COL26A1: variants seen among roughly 807,000 people sequenced by gnomAD.
COL26A1 encodes collagen alpha-1(XXVI) chain.
In COL26A1, 41 loss-of-function variants were observed where a neutral mutation model predicts 59.3. That is an observed-to-expected ratio of 0.69 (90% CI 0.54 to 0.90). The LOEUF is 0.90. Among genes scored for constraint, COL26A1 ranks in the 40% least tolerant of loss-of-function variants. The pLI, the probability that COL26A1 is intolerant of heterozygous loss-of-function variation, is 0.00. For synonymous variants in COL26A1, 266 were observed against 256.0 expected, an observed-to-expected ratio of 1.04 and a Z score of -0.37; for missense variants, 612 against 602.3, an observed-to-expected ratio of 1.02 and a Z score of -0.17.
At chr7:101,435,809 C>T (rs1337663691) in intron 2 of COL26A1, among the ~76,000 whole-genome samples, 1 of 152,158 alleles carries the variant, frequency 6.6e-6, no homozygotes, top group Non-Finnish European at 1.5e-5. Flanking sequence ...GCATTAGAGC[C>T]AACCTTTTCC....
intron 2 of COL26A1, among the ~76,000 whole-genome samples, chr7:101,423,923 G>C (rs1006562163): frequency 6.6e-6 from 1 of 152,006 alleles, no homozygotes. Flanking sequence ...AAACAATTTG[G>C]CCAGTGACAG....
intron 3 of COL26A1, among the ~76,000 whole-genome samples, chr7:101,489,831 TTTCTTTCTTTC>T (rs1563008172): frequency 6.7e-5 from 1 of 14,882 alleles, no homozygotes; most frequent in Non-Finnish European, 1.1e-4. Context: ...TCTTTCTTTC[TTTCTTTCTTTC>T]TTTCTTTCTT....
intron 3 of COL26A1, among the ~76,000 whole-genome samples, chr7:101,522,716 T>A (rs1795162771): frequency 6.6e-6 from 1 of 152,126 alleles, no homozygotes. Flanking sequence ...TCAGCCTTAT[T>A]AGAGACTGCC....
chr7:101,491,648 TG>T (rs1347353308), intron 3 of COL26A1, among the ~76,000 whole-genome samples: 1 of 152,184 alleles, frequency 6.6e-6, no homozygotes, highest in Non-Finnish European at 1.5e-5. Flanking sequence ...GGTAACTTCC[TG>T]GTGTTGCCAT....
At chr7:101,515,584 CTTT>C (rs36025647) in intron 3 of COL26A1, among the ~76,000 whole-genome samples, 4 of 140,810 alleles carry the variant, frequency 2.8e-5, no homozygotes, top group African/African-American at 1.0e-4. Context: ...ATGTCTGGCT[CTTT>C]TTTTTTTTTC....
intron 3 of COL26A1, among the ~76,000 whole-genome samples, chr7:101,452,275 G>T (rs1020661987): frequency 1.3e-5 from 2 of 152,156 alleles, no homozygotes; most frequent in Non-Finnish European, 2.9e-5. Flanking sequence ...AGGACCGTGG[G>T]AGGACAGTCC....
chr7:101,510,886 T>TTTTCTTTC (rs200164585), intron 3 of COL26A1, among the ~76,000 whole-genome samples: 1 of 136,930 alleles, frequency 7.3e-6, no homozygotes, highest in African/African-American at 3.2e-5. Flanking sequence ...ACTTTTTTCT[T>TTTTCTTTC]TTTCTTTCTT....
chr7:101,467,605 C>A (rs1055694453), intron 3 of COL26A1, among the ~76,000 whole-genome samples: 1 of 151,622 alleles, frequency 6.6e-6, no homozygotes, highest in Non-Finnish European at 1.5e-5. Flanking sequence ...CGGTGGCTCA[C>A]GCCTGTAATC....
intron 3 of COL26A1, among the ~76,000 whole-genome samples, chr7:101,456,542 T>C (rs1423319381): frequency 6.6e-6 from 1 of 152,090 alleles, no homozygotes; most frequent in African/African-American, 2.4e-5. Context: ...CACATGCCTC[T>C]AATCCCAGCT....
At chr7:101,474,321 G>A (rs1042769532) in intron 3 of COL26A1, among the ~76,000 whole-genome samples, 2 of 152,288 alleles carry the variant, frequency 1.3e-5, no homozygotes, top group South Asian at 2.1e-4. Flanking sequence ...GTTGGGCTGG[G>A]TGTGATAGCT....
rs1387032420 is a variant in COL26A1, at chr7:101,400,351, C to CTTTTTTTTT, written c.159-19625_159-19624insTTTTTTTTT. Among the ~76,000 whole-genome samples the CTTTTTTTTT allele has an allele frequency of 5.7e-5, 7 of 123,404 alleles. 2 individuals are homozygous for CTTTTTTTTT. Among genetic ancestry groups the CTTTTTTTTT allele is most frequent in the Non-Finnish European group, 5.1e-5 (3 of 59,072 alleles). The allele number at this position is 123,404 out of a possible 152,430, so 81.0% of individuals were successfully genotyped here. On this transcript the variant is annotated intron_variant, in intron 1 of 12. Coordinates refer to ENST00000313669, the MANE Select transcript of COL26A1 (RefSeq NM_001278563.3). ...GTCCACACTGCCTTTCTTTTTTTTC[C>CTTTTTTTTT]TATTTTTTTTTTTTTTTTTTTTTTT...
At chr7:101,364,902 C>T (rs903434622) in intron 1 of COL26A1, among the ~76,000 whole-genome samples, 1 of 152,170 alleles carries the variant, frequency 6.6e-6, no homozygotes, top group Non-Finnish European at 1.5e-5. Flanking sequence ...ACTGCTCTGC[C>T]TATCAAAGCT....
At chr7:101,472,296 G>A (rs180875169) in intron 3 of COL26A1, among the ~76,000 whole-genome samples, 16 of 152,304 alleles carry the variant, frequency 1.1e-4, no homozygotes, top group African/African-American at 3.6e-4. Context: ...GTGAGCCGCT[G>A]TGCTCAGCCT....
intron 1 of COL26A1, among the ~76,000 whole-genome samples, chr7:101,363,533 C>CGCGGGGCG (rs1240423374): frequency 1.1e-5 from 1 of 87,120 alleles, no homozygotes; most frequent in Non-Finnish European, 2.3e-5. Context: ...GGGGCTGGGG[C>CGCGGGGCG]GCGGGGCGGC....
intron 3 of COL26A1, among the ~76,000 whole-genome samples, chr7:101,472,325 T>C (rs754679549): frequency 6.6e-6 from 1 of 152,194 alleles, no homozygotes; most frequent in Non-Finnish European, 1.5e-5. Context: ...ATTTTTAAAC[T>C]AAGGATGTTT....
intron 3 of COL26A1, among the ~76,000 whole-genome samples, chr7:101,507,996 T>C (rs1031666527): frequency 5.3e-5 from 8 of 152,170 alleles, no homozygotes; most frequent in African/African-American, 1.9e-4. Context: ...GACCATGATA[T>C]GATGGCGCCC....
chr7:101,454,731 A>G (rs1184418930), intron 3 of COL26A1, among the ~76,000 whole-genome samples: 1 of 152,148 alleles, frequency 6.6e-6, no homozygotes, highest in African/African-American at 2.4e-5. Flanking sequence ...GTGTTAGATA[A>G]GCCTCGTTCA....
chr7:101,456,152 G>GTATA lies in COL26A1; in HGVS notation c.385+8379_385+8382dup, dbSNP rs72074261. Among the ~76,000 whole-genome samples the GTATA allele has an allele frequency of 8.1e-3, 876 of 108,728 alleles. 9 individuals carry two copies. The highest frequency in any genetic ancestry group is 0.029 in the African/African-American group (848 of 28,848). The allele number at this position is 108,728 out of a possible 152,430, so 71.3% of individuals were successfully genotyped here. ...TAATTTTTAAATAACATTACTGTAA[G>GTATA]TATATATATATATATATTTTTTTTT... On this transcript the variant is annotated intron_variant, in intron 3 of 12. Coordinates refer to ENST00000313669, the MANE Select transcript of COL26A1 (RefSeq NM_001278563.3).
At chr7:101,414,381 CCT>C (rs35093515) in intron 1 of COL26A1, among the ~76,000 whole-genome samples, 13,297 of 145,158 alleles carry the variant, frequency 0.092, 794 homozygotes, top group African/African-American at 0.17. Context: ...AGGAAAGTCA[CCT>C]CTCTCTCTCT....
Sources: allele counts gnomAD v4.1 joint callset (sites outside exome capture counted in the v4.1 genomes callset), GRCh38; gene constraint gnomAD v4.1.1; transcripts MANE v1.5; gene names NCBI Gene and HGNC (gene_info 2026-07-23, HGNC 2026-07-21).